The following RNF220 variants were observed in gnomAD, a reference collection of about 807,000 sequenced individuals.
RNF220 encodes the protein E3 ubiquitin-protein ligase RNF220.
RNF220 carries 7 observed loss-of-function variants against 67.1 expected under a neutral mutation model. That is an observed-to-expected ratio of 0.10 (90% CI 0.06 to 0.20). RNF220 has a LOEUF of 0.20. RNF220 is among the 10% of genes least tolerant of loss of function. The probability of loss-of-function intolerance (pLI) is 1.00; values close to 1 mark genes in which losing one functional copy is unlikely to be tolerated. For synonymous variants in RNF220, 270 were observed against 283.2 expected (o/e 0.95, Z 0.47); for missense variants, 565 against 740.3 (o/e 0.76, Z 2.75).
At position 44,612,591 on chromosome 1, in the gene RNF220, G is replaced by A. The variant is rs569551091; in HGVS notation, c.626-1574G>A. Among the ~76,000 whole-genome samples, 45 of 152,244 alleles carry A rather than the reference G, an allele frequency of 3.0e-4. 1 individual carries two copies. Among genetic ancestry groups the A allele is most frequent in the African/African-American group, 1.1e-3 (44 of 41,534 alleles). On this transcript the variant is annotated intron_variant, in intron 2 of 14. Transcript: ENST00000361799. ...GGGAGGTGGGTTTTGTGCTCAGCCT[G>A]AACTTGAGGCTTCCTCAAGTACAAG...
chr1:44,424,024 C>T, intron 2 of RNF220: 1 of 985,322 alleles, frequency 1.0e-6, no homozygotes. Context: ...CATCGCTCTA[C>T]ATCCACGAAC....
chr1:44,472,021 TTAC>T (rs56874693), intron 2 of RNF220, among the ~76,000 whole-genome samples: 15,965 of 152,184 alleles, frequency 0.1, 1,987 homozygotes, highest in African/African-American at 0.3. Flanking sequence ...TTGTCAAGTT[TTAC>T]TACTATTGTA....
At chr1:44,597,719 A>G (rs1023943950) in intron 2 of RNF220, among the ~76,000 whole-genome samples, 2 of 151,510 alleles carry the variant, frequency 1.3e-5, no homozygotes, top group Non-Finnish European at 2.9e-5. Flanking sequence ...AGCCTCTCAC[A>G]TGCACATATT....
At chr1:44,543,563 G>T (rs528322316) in intron 2 of RNF220, among the ~76,000 whole-genome samples, 96 of 151,732 alleles carry the variant, frequency 6.3e-4, no homozygotes, top group African/African-American at 2.3e-3. Context: ...GAGGGAGGGG[G>T]AAGTAGAGAG....
intron 2 of RNF220, among the ~76,000 whole-genome samples, chr1:44,595,332 A>T (rs1334486736): frequency 6.6e-6 from 1 of 152,054 alleles, no homozygotes; most frequent in African/African-American, 2.4e-5. Flanking sequence ...GGCCACGGAC[A>T]CCTAGGCCAC....
chr1:44,638,560 T>C (rs1160842885), intron 8 of RNF220: 1 of 152,274 alleles, frequency 6.6e-6, no homozygotes, highest in Non-Finnish European at 1.5e-5. Flanking sequence ...GTAGGGCCTC[T>C]TCTTCATCCT....
intron 2 of RNF220, among the ~76,000 whole-genome samples, chr1:44,415,586 C>T (rs1648448409): frequency 6.6e-6 from 1 of 151,768 alleles, no homozygotes; most frequent in African/African-American, 2.4e-5. Context: ...ATGGTTGACT[C>T]ATTTTTCAGT....
chr1:44,412,620 G>A lies in RNF220; in HGVS notation c.523G>A (p.Gly175Ser), dbSNP rs141872978. 1.9e-5 allele frequency: 30 copies of A among 1,614,008 alleles called. No homozygotes were observed. Among genetic ancestry groups the A allele is most frequent in the African/African-American group, 4.0e-5 (3 of 74,892 alleles). The change falls in exon 2 of 15, where the codon GGT becomes AGT. Residue 175 changes from glycine to serine, a missense_variant. Transcript: ENST00000361799. The surrounding 1 kb of genome is among the most constrained non-coding windows in gnomAD (Gnocchi z 5.3). ...FGTQLPSSSP[G>S]SLKVDDTGKK... ...GACACAGCTGCCATCTAGCTCCCCC[G>A]GTTCACTAAAGGTTGATGACACTGG... is the stretch of plus-strand genomic sequence containing the variant.
intron 2 of RNF220, among the ~76,000 whole-genome samples, chr1:44,510,008 C>T (rs1255223847): frequency 6.6e-6 from 1 of 151,490 alleles, no homozygotes; most frequent in Non-Finnish European, 1.5e-5. Flanking sequence ...GAGGCCAAGG[C>T]GGGAGGATCG....
chr1:44,517,977 C>T (rs552558343), intron 2 of RNF220, among the ~76,000 whole-genome samples: 8 of 152,092 alleles, frequency 5.3e-5, no homozygotes, highest in South Asian at 4.2e-4. Flanking sequence ...TATAGTGGTG[C>T]GCACCTGTAA....
chr1:44,499,301 T>TC (rs1004534178), intron 2 of RNF220, among the ~76,000 whole-genome samples: 1 of 152,114 alleles, frequency 6.6e-6, no homozygotes, highest in African/African-American at 2.4e-5. Flanking sequence ...ATTTCTCTGT[T>TC]CCCCTTTAGG....
chr1:44,427,216 G>A (rs1649879809), intron 2 of RNF220, among the ~76,000 whole-genome samples: 1 of 152,134 alleles, frequency 6.6e-6, no homozygotes. Context: ...TTCAGATCCA[G>A]GCAGTCTGAC....
intron 2 of RNF220, among the ~76,000 whole-genome samples, chr1:44,591,469 C>T (rs1666109735): frequency 6.6e-6 from 1 of 152,212 alleles, no homozygotes; most frequent in African/African-American, 2.4e-5. Context: ...TGCTTGACTT[C>T]TCTGAGTCTT....
At chr1:44,576,751 G>C (rs1219512762) in intron 2 of RNF220, among the ~76,000 whole-genome samples, 1 of 152,202 alleles carries the variant, frequency 6.6e-6, no homozygotes, top group Non-Finnish European at 1.5e-5. Flanking sequence ...AAACAAAGAG[G>C]GATGGCCAGT....
intron 2 of RNF220, among the ~76,000 whole-genome samples, chr1:44,415,395 C>T (rs1194448124): frequency 6.6e-6 from 1 of 150,474 alleles, no homozygotes. Flanking sequence ...GGGGCAGTGA[C>T]GGGGTATGGG....
intron 2 of RNF220, among the ~76,000 whole-genome samples, chr1:44,527,478 C>A (rs906191394): frequency 2.0e-5 from 3 of 152,044 alleles, no homozygotes; most frequent in Non-Finnish European, 4.4e-5. Context: ...ATGAATTAAG[C>A]CAGGCACTAT....
chr1:44,605,223 C>A (rs1173689510), intron 2 of RNF220, among the ~76,000 whole-genome samples: 2 of 149,026 alleles, frequency 1.3e-5, no homozygotes, highest in African/African-American at 5.0e-5. Context: ...CACTTGAACG[C>A]AGGAGGCAGA....
intron 2 of RNF220, among the ~76,000 whole-genome samples, chr1:44,494,261 A>T (rs1347465181): frequency 6.6e-6 from 1 of 150,494 alleles, no homozygotes; most frequent in Admixed American, 6.6e-5. Context: ...AATGGTGGGG[A>T]TGGTGGAGAA....
chr1:44,464,413 T>G (rs1310090593), intron 2 of RNF220, among the ~76,000 whole-genome samples: 1 of 152,250 alleles, frequency 6.6e-6, no homozygotes, highest in East Asian at 1.9e-4. Context: ...CTTTTTCTTT[T>G]TCTTTTTTTG....
Sources: allele counts gnomAD v4.1 joint callset (sites outside exome capture counted in the v4.1 genomes callset), GRCh38; gene constraint gnomAD v4.1.1; non-coding constraint Gnocchi (gnomAD v3.1); transcripts MANE v1.5; gene names NCBI Gene and HGNC (gene_info 2026-07-23, HGNC 2026-07-21).